Variants in NPSR1 observed in about 807,000 individuals in gnomAD.
The protein encoded by NPSR1 is neuropeptide S receptor.
A neutral mutation model predicts 46.9 loss-of-function variants in NPSR1; 48 were observed. That is an observed-to-expected ratio of 1.02 (90% CI 0.81 to 1.30). The LOEUF (loss-of-function observed/expected upper bound fraction) is 1.30. NPSR1 is among the 50% of genes most tolerant of loss of function. NPSR1 has a pLI of 0.00. For missense variants in NPSR1, 450 were observed against 449.5 expected (o/e 1.00, Z -0.01); for synonymous variants, 176 against 168.1 (o/e 1.05, Z -0.36).
At chr7:34,821,510 C>T (rs1197855287) in intron 4 of NPSR1, among the ~76,000 whole-genome samples, 1 of 151,872 alleles carries the variant, frequency 6.6e-6, no homozygotes, top group African/African-American at 2.4e-5. Context: ...AGGACATCGA[C>T]GCCAAAGTAT....
chr7:34,807,930 C>T (rs1356450312), intron 3 of NPSR1, among the ~76,000 whole-genome samples: 1 of 140,910 alleles, frequency 7.1e-6, no homozygotes, highest in African/African-American at 2.5e-5. Flanking sequence ...GTATCCTAAT[C>T]CCTGGAACCT....
intron 5 of NPSR1, chr7:34,834,114 C>G: frequency 4.3e-6 from 2 of 461,270 alleles, no homozygotes; most frequent in Non-Finnish European, 7.6e-6. Context: ...AATCACAGCT[C>G]TCCCTCAAAC....
At chr7:34,772,902 A>G (rs1583988264) in intron 2 of NPSR1, among the ~76,000 whole-genome samples, 1 of 151,844 alleles carries the variant, frequency 6.6e-6, no homozygotes, top group Non-Finnish European at 1.5e-5. Flanking sequence ...CAAGATGGTG[A>G]CTCCTCTTCT....
At chr7:34,671,945 C>T (rs1224140423) in intron 1 of NPSR1, among the ~76,000 whole-genome samples, 1 of 152,174 alleles carries the variant, frequency 6.6e-6, no homozygotes, top group East Asian at 1.9e-4. Flanking sequence ...TTAGCACCTC[C>T]AGAACAGAAA....
chr7:34,859,219 T>C (rs948816817), intron 8 of NPSR1, among the ~76,000 whole-genome samples: 2 of 151,750 alleles, frequency 1.3e-5, no homozygotes, highest in African/African-American at 4.9e-5. Context: ...TTTTTCAAAG[T>C]CTGCAGAAAT....
intron 6 of NPSR1, among the ~76,000 whole-genome samples, chr7:34,838,374 T>C (rs2128761529): frequency 6.6e-6 from 1 of 152,328 alleles, no homozygotes; most frequent in Middle Eastern, 3.4e-3. Flanking sequence ...ATATCTATTT[T>C]TCAGTTACCA....
chr7:34,859,240 C>T (rs1254607188), intron 8 of NPSR1, among the ~76,000 whole-genome samples: 1 of 151,728 alleles, frequency 6.6e-6, no homozygotes, highest in Non-Finnish European at 1.5e-5. Flanking sequence ...GACTTGGCCC[C>T]TCCACAGAGC....
At chr7:34,779,010 A>T (rs937841079) in intron 3 of NPSR1, among the ~76,000 whole-genome samples, 1 of 152,170 alleles carries the variant, frequency 6.6e-6, no homozygotes, top group Middle Eastern at 3.2e-3. Flanking sequence ...TACTTTTTAA[A>T]GTATCTATTG....
intron 1 of NPSR1, among the ~76,000 whole-genome samples, chr7:34,683,907 CAGT>C (rs1792788286): frequency 6.6e-6 from 1 of 152,174 alleles, no homozygotes; most frequent in African/African-American, 2.4e-5. Flanking sequence ...AAACATTCTT[CAGT>C]AGAACTTTAA....
intron 2 of NPSR1, among the ~76,000 whole-genome samples, chr7:34,735,482 T>C (rs1784627083): frequency 1.3e-5 from 2 of 152,222 alleles, no homozygotes; most frequent in Admixed American, 6.5e-5. Flanking sequence ...CAATATATGT[T>C]TGGAAATACA....
chr7:34,867,743 A>T lies in NPSR1; in HGVS notation c.1026-10333A>T, dbSNP rs1791347245. On this transcript the variant is annotated intron_variant, in intron 8 of 8. Transcript: ENST00000359791. ...AAGAAGCAATCTCTCTTAAGAAATT[A>T]TAAAGCAAGTGGCTCCCCTGCTCAG... Among the ~76,000 whole-genome samples the T allele has an allele frequency of 3.3e-5, 5 of 151,886 alleles. 1 individual carries two copies. Among genetic ancestry groups the T allele is most frequent in the Admixed American group, 3.3e-4 (5 of 15,274 alleles).
At chr7:34,818,079 A>AGGAG (rs1554335371) in intron 4 of NPSR1, among the ~76,000 whole-genome samples, 60 of 144,180 alleles carry the variant, frequency 4.2e-4, no homozygotes, top group East Asian at 6.4e-4. Flanking sequence ...GCAATCAGGC[A>AGGAG]AAAGGAAGCA....
chr7:34,667,980 CTAACATATGTTAGGGG>C (rs1046924051), intron 1 of NPSR1, among the ~76,000 whole-genome samples: 4 of 151,946 alleles, frequency 2.6e-5, no homozygotes, highest in African/African-American at 9.7e-5. Flanking sequence ...TATAACCCCC[CTAACATATGTTAGGGG>C]GGTTAATATT....
Position 34,750,500 on chromosome 7 carries a change from G to A in NPSR1, c.281-27962G>A, listed in dbSNP as rs776924758. 3.4e-5 allele frequency: 24 copies of A among 715,632 alleles called. 1 individual carries two copies. Among genetic ancestry groups the A allele is most frequent in the Non-Finnish European group, 6.0e-5 (23 of 382,064 alleles). 44.3% of individuals were successfully genotyped at this position (715,632 alleles called of 1,614,324 possible). A position where few individuals can be genotyped will look rare whatever the true frequency, so the allele number is the denominator to read the frequency against. The stretch of plus-strand genomic sequence containing the variant: ...AGGCTGGTGCCTACAAACAGTGGAT[G>A]GTTTCTTGGCTGTTGGGGCTCTCTG... On this transcript the variant is annotated intron_variant, in intron 2 of 8. Coordinates refer to ENST00000360581, the MANE Select transcript of NPSR1 (RefSeq NM_207172.2).
intron 2 of NPSR1, among the ~76,000 whole-genome samples, chr7:34,699,772 A>G (rs1452309974): frequency 6.6e-6 from 1 of 152,174 alleles, no homozygotes; most frequent in Non-Finnish European, 1.5e-5. Flanking sequence ...ATACAGTCAC[A>G]TTGGGAGTTA....
At position 34,848,547 on chromosome 7, in the gene NPSR1, A is replaced by G. The variant is rs774056705; in HGVS notation, c.909A>G (p.Pro303=). ...TTTTGGACAATTTCAACCTCCTTCC[A>G]GACACCCAGGAGCGTTTCTATGCCT... is the stretch of plus-strand genomic sequence containing the variant. ...FDILDNFNLL[P]DTQERFYASV... is the part of the protein sequence containing the mutation. Residue 303 remains proline (P), a synonymous_variant, in exon 8 of 9, where the codon CCA becomes CCG. Coordinates refer to ENST00000360581, the MANE Select transcript of NPSR1 (RefSeq NM_207172.2). 1 of 1,614,172 alleles carries G rather than the reference A, an allele frequency of 6.2e-7. No homozygotes were observed.
intron 6 of NPSR1, among the ~76,000 whole-genome samples, chr7:34,842,705 T>G (rs1790613467): frequency 6.6e-6 from 1 of 152,244 alleles, no homozygotes; most frequent in South Asian, 2.1e-4. Flanking sequence ...ATTAGCAGTT[T>G]TCCTTTGTAC....
At chr7:34,725,949 A>G (rs1400133086) in intron 2 of NPSR1, among the ~76,000 whole-genome samples, 1 of 152,106 alleles carries the variant, frequency 6.6e-6, no homozygotes, top group Non-Finnish European at 1.5e-5. Flanking sequence ...CCCCTGCACA[A>G]GCTCTCTTGC....
chr7:34,730,986 A>G (rs1380227122), intron 2 of NPSR1, among the ~76,000 whole-genome samples: 4 of 152,212 alleles, frequency 2.6e-5, no homozygotes, highest in African/African-American at 9.7e-5. Context: ...TAGCCATGAA[A>G]TTATTTTTAG....
Sources: gnomAD v4.1 joint callset for allele counts (sites outside exome capture counted in the v4.1 genomes callset) on GRCh38, gnomAD v4.1.1 for gene constraint, MANE v1.5 for transcripts, NCBI Gene and HGNC (gene_info 2026-07-23, HGNC 2026-07-21) for gene names.